The following PIK3R1 variants were observed in gnomAD, a reference collection of about 807,000 sequenced individuals.
PIK3R1 encodes phosphatidylinositol 3-kinase regulatory subunit alpha.
A neutral mutation model predicts 98.0 loss-of-function variants in PIK3R1; 29 were observed. The ratio of observed to expected loss-of-function variants is 0.30; its 90% confidence interval spans 0.22 to 0.40. PIK3R1 has a LOEUF of 0.40. PIK3R1 is among the 10% of genes least tolerant of loss of function. The probability of loss-of-function intolerance (pLI) is 1.00; values close to 1 mark genes in which losing one functional copy is unlikely to be tolerated. For synonymous variants in PIK3R1, 282 were observed against 311.8 expected (o/e 0.90, Z 1.01); for missense variants, 596 against 872.7 (o/e 0.68, Z 3.99).
chr5:68,296,394 A>G, intron 15 of PIK3R1, 53 bp downstream of exon 15: 1 of 1,499,976 alleles, frequency 6.7e-7, no homozygotes, highest in East Asian at 2.3e-5. Flanking sequence ...GAGATGTTTC[A>G]TTTATTCATT....
chr5:68,249,849 A>G (rs959938580), intron 2 of PIK3R1, among the ~76,000 whole-genome samples: 2 of 152,170 alleles, frequency 1.3e-5, no homozygotes, highest in Non-Finnish European at 2.9e-5. Context: ...TTGATAGACT[A>G]TTTGGTGAGC....
At chr5:68,296,398 A>C in intron 15 of PIK3R1, 57 bp downstream of exon 15, 1 of 1,476,714 alleles carries the variant, frequency 6.8e-7, no homozygotes, top group Non-Finnish European at 9.3e-7. Flanking sequence ...TGTTTCATTT[A>C]TTCATTCATT....
intron 2 of PIK3R1, among the ~76,000 whole-genome samples, chr5:68,231,013 C>T (rs916482117): frequency 3.9e-5 from 6 of 152,284 alleles, no homozygotes; most frequent in Admixed American, 2.0e-4. Flanking sequence ...TCCCGCTACA[C>T]CAACCCCATT....
chr5:68,264,245 T>A (rs1431598981), intron 2 of PIK3R1, among the ~76,000 whole-genome samples: 3 of 152,184 alleles, frequency 2.0e-5, no homozygotes, highest in African/African-American at 7.2e-5. Flanking sequence ...CAGTCCAAGC[T>A]CAAGTTAAAA....
In PIK3R1 at chr5:68,293,714, A is replaced by G. The variant is rs935776281; in HGVS notation, c.1305A>G (p.Gln435=). The part of the protein sequence containing the change: ...LYPVSKYQQD[Q]VVKEDNIEAV... ...ATTTATTTTAATCTTTCTAGGATCA[A>G]GTTGTCAAAGAAGATAATATTGAAG... Residue 435 remains glutamine (Q), a synonymous_variant, in exon 11 of 16, where the codon CAA becomes CAG. Transcript: ENST00000521381. 1.4e-6 allele frequency: 2 copies of G among 1,447,212 alleles called. No homozygotes were observed. Among genetic ancestry groups the G allele is most frequent in the South Asian group, 1.2e-5 (1 of 81,486 alleles). 89.6% of individuals were successfully genotyped at this position (1,447,212 alleles called of 1,614,324 possible).
At chr5:68,295,608 G>T in intron 14 of PIK3R1, 120 bp downstream of exon 14, 1 of 832,022 alleles carries the variant, frequency 1.2e-6, no homozygotes, top group South Asian at 1.4e-5. Flanking sequence ...TCTTGTAGGA[G>T]AAAATGTATA....
intron 7 of PIK3R1, among the ~76,000 whole-genome samples, chr5:68,289,748 AG>A (rs985401690): frequency 1.8e-5 from 2 of 111,336 alleles, no homozygotes; most frequent in African/African-American, 7.0e-5. Context: ...TTTGAGATAG[AG>A]GGGGAAAAGC....
chr5:68,267,965 A>G (rs945177068), intron 2 of PIK3R1, among the ~76,000 whole-genome samples: 2 of 152,148 alleles, frequency 1.3e-5, no homozygotes, highest in Admixed American at 1.3e-4. Context: ...TAAAACCTGC[A>G]ATTGCAATCG....
chr5:68,278,968 GTTCTGGAGGCT>G (rs1746702568), intron 4 of PIK3R1, among the ~76,000 whole-genome samples: 1 of 152,060 alleles, frequency 6.6e-6, no homozygotes, highest in Admixed American at 6.5e-5. Context: ...ACTTCTCGTG[GTTCTGGAGGCT>G]AGAAGTCCGA....
In PIK3R1 at chr5:68,255,052, G is replaced by A. The variant is rs562476774; in HGVS notation, c.335-18338G>A. On this transcript the variant is annotated intron_variant, in intron 2 of 15. Coordinates refer to ENST00000521381, the MANE Select transcript of PIK3R1 (RefSeq NM_181523.3). ...ACTTACTGGTGAGAGATCCTTCAAG[G>A]GAAATGAATCTGGAATGGCCTGGAA... Among the ~76,000 whole-genome samples, 4 of 152,256 alleles carry A rather than the reference G, an allele frequency of 2.6e-5. 1 individual carries two copies. The highest frequency in any genetic ancestry group is 7.2e-5 in the African/African-American group (3 of 41,542).
In PIK3R1 at chr5:68,215,886, C is replaced by A. The variant is rs1227582671; in HGVS notation, c.-450C>A. The A allele has an allele frequency of 6.6e-6, 1 of 151,410 alleles. No homozygotes were observed. Among genetic ancestry groups the A allele is most frequent in the African/African-American group, 2.4e-5 (1 of 41,298 alleles). 9.4% of individuals were successfully genotyped at this position (151,410 alleles called of 1,614,324 possible). On this transcript the variant is annotated 5_prime_UTR_variant, in exon 1 of 16. Coordinates refer to ENST00000521381, the MANE Select transcript of PIK3R1 (RefSeq NM_181523.3). ...CAGCCGGGCTGGAGGCCGGTCGGAA[C>A]CGAGCGGGCAGGAGGCCACCGCTGC...
chr5:68,241,530 C>G (rs1744872828), intron 2 of PIK3R1, among the ~76,000 whole-genome samples: 1 of 152,166 alleles, frequency 6.6e-6, no homozygotes, highest in South Asian at 2.1e-4. Flanking sequence ...CTTACTAACA[C>G]AATTGCAGGC....
Position 68,299,915 on chromosome 5 carries a change from T to C in PIK3R1, c.*2314T>C, listed in dbSNP as rs149896188. 4.3e-6 allele frequency: 1 copy of C among 233,126 alleles called. No homozygotes were observed. The highest frequency in any genetic ancestry group is 2.2e-5 in the African/African-American group (1 of 45,344). 14.4% of individuals were successfully genotyped at this position (233,126 alleles called of 1,614,324 possible). ...ACTGACGATTTCCCTGGTTTTAGTCTGCGTCTCTGCTTTAAAGTTATTGTG... is the reference window on the plus strand; with the variant it reads ...ACTGACGATTTCCCTGGTTTTAGTCCGCGTCTCTGCTTTAAAGTTATTGTG... On this transcript the variant is annotated 3_prime_UTR_variant, in exon 16 of 16. Transcript: ENST00000521381.
At position 68,253,489 on chromosome 5, in the gene PIK3R1, T is replaced by C. The variant is rs1264494939; in HGVS notation, c.335-19901T>C. ...AAATTTTAGGAAAGGAAAGAACATT[T>C]CCTCTGGCCTCGGGAGCACATTCAA... is the stretch of plus-strand genomic sequence containing the variant. On this transcript the variant is annotated intron_variant, in intron 2 of 15. Transcript: ENST00000521381. Among the ~76,000 whole-genome samples the C allele has an allele frequency of 2.6e-5, 4 of 152,232 alleles. No individual in the cohort carries two copies. The East Asian group carries it at 7.7e-4, about 29-fold the overall frequency.
rs1430723356 is a variant in PIK3R1, at chr5:68,293,698, A to T, written c.1300-11A>T. On this transcript the variant is annotated splice_polypyrimidine_tract_variant and intron_variant, in intron 10 of 15. Transcript: ENST00000521381. ...ATACCTTATCCATTGAATTTATTTT[A>T]ATCTTTCTAGGATCAAGTTGTCAAA... 7.1e-7 allele frequency: 1 copy of T among 1,414,198 alleles called. No homozygotes were observed. The highest frequency in any genetic ancestry group is 9.8e-7 in the Non-Finnish European group (1 of 1,023,210). 87.6% of individuals were successfully genotyped at this position (1,414,198 alleles called of 1,614,324 possible). A position where few individuals can be genotyped will look rare whatever the true frequency, so the allele number is the denominator to read the frequency against.
At chr5:68,245,229 T>C (rs1452263276) in intron 2 of PIK3R1, among the ~76,000 whole-genome samples, 2 of 152,254 alleles carry the variant, frequency 1.3e-5, no homozygotes, top group Non-Finnish European at 2.9e-5. Flanking sequence ...CATTATATTT[T>C]ATAATTCTTT....
In PIK3R1 at chr5:68,265,258, C is replaced by T. The variant is rs181548134; in HGVS notation, c.335-8132C>T. Among the ~76,000 whole-genome samples the T allele has an allele frequency of 3.5e-3, 526 of 152,210 alleles. 4 individuals are homozygous for T. The highest frequency in any genetic ancestry group is 6.8e-3 in the Middle Eastern group (2 of 294). ...TACTGCCCTTGGGAATATTCTGACA[C>T]GCAGAGGGTATTTATTTACTAAATA... On this transcript the variant is annotated intron_variant, in intron 2 of 15. Transcript: ENST00000521381.
chr5:68,263,396 A>T lies in PIK3R1; in HGVS notation c.335-9994A>T, dbSNP rs192756685. Among the ~76,000 whole-genome samples the T allele has an allele frequency of 3.6e-3, 545 of 151,758 alleles. 1 individual carries two copies. Among genetic ancestry groups the T allele is most frequent in the Admixed American group, 6.7e-3 (102 of 15,252 alleles). On this transcript the variant is annotated intron_variant, in intron 2 of 15. Transcript: ENST00000521381. Reference sequence around the variant, plus strand: ...CCTGAGCTTTTTTGAGAATGTAGTGATAGGGTTCAACATCTGCCCAAATTG... The same window carrying T: ...CCTGAGCTTTTTTGAGAATGTAGTGTTAGGGTTCAACATCTGCCCAAATTG...
chr5:68,288,490 G>A (rs573549254), intron 7 of PIK3R1: 6 of 1,311,062 alleles, frequency 4.6e-6, no homozygotes, highest in African/African-American at 3.1e-5. Flanking sequence ...ACGCACTGCC[G>A]GGCGGGGCGT....
Sources: allele counts gnomAD v4.1 joint callset (sites outside exome capture counted in the v4.1 genomes callset), GRCh38; gene constraint gnomAD v4.1.1; transcripts MANE v1.5; gene names NCBI Gene and HGNC (gene_info 2026-07-23, HGNC 2026-07-21).